The following FBXL14 variants were observed in gnomAD, a reference collection of about 807,000 sequenced individuals.
FBXL14 encodes F-box and leucine rich repeat protein 14.
In FBXL14, 11 loss-of-function variants were observed where a neutral mutation model predicts 24.5. That is an observed-to-expected ratio of 0.45 (90% CI 0.28 to 0.74). The LOEUF is 0.74. Among genes scored for constraint, FBXL14 ranks in the 30% least tolerant of loss-of-function variants. FBXL14 has a pLI of 0.12. For synonymous variants in FBXL14, 294 were observed against 240.4 expected (o/e 1.22, Z -2.06); for missense variants, 384 against 545.6 (o/e 0.70, Z 2.95).
Position 1,594,402 on chromosome 12 carries a change from C to A in FBXL14, c.-336G>T, listed in dbSNP as rs973373208. 6.9e-6 allele frequency among the ~76,000 whole-genome samples: 1 copy of A among 145,476 alleles called. No individual in the cohort carries two copies. The highest frequency in any genetic ancestry group is 2.5e-5 in the African/African-American group (1 of 40,620). On this transcript the variant is annotated 5_prime_UTR_variant, in exon 1 of 2. Transcript: ENST00000339235. Reference sequence around the variant, plus strand: ...CGCCGCCTCGGCTCTACCCACGCCGCGCCCGGGCCGCGCCGCTCCGCCCGC... The same window carrying A: ...CGCCGCCTCGGCTCTACCCACGCCGAGCCCGGGCCGCGCCGCTCCGCCCGC...
At chr12:1,590,200 A>G (rs2094486337) in intron 1 of FBXL14, among the ~76,000 whole-genome samples, 1 of 151,934 alleles carries the variant, frequency 6.6e-6, no homozygotes, top group Non-Finnish European at 1.5e-5. Context: ...AGAGATCCAC[A>G]CCTTCCCCAA....
rs767331191 is a variant in FBXL14, at chr12:1,566,700, G to A, written c.*48C>T. The A allele has an allele frequency of 6.4e-6, 5 of 780,102 alleles. No individual in the cohort carries two copies. The highest frequency in any genetic ancestry group is 1.2e-5 in the Non-Finnish European group (5 of 417,744). The allele number at this position is 780,102 out of a possible 1,614,324, so 48.3% of individuals were successfully genotyped here. ...AGTGCCGGAGGCGCAGAGCGGGCAA[G>A]TCTGGAAGTTAAAGATCCACGGGAA... On this transcript the variant is annotated 3_prime_UTR_variant, in exon 2 of 2. Transcript: ENST00000339235.
intron 1 of FBXL14, among the ~76,000 whole-genome samples, chr12:1,586,827 G>A (rs2094477590): frequency 6.6e-6 from 1 of 152,166 alleles, no homozygotes; most frequent in Admixed American, 6.5e-5. Context: ...TTTCTCTGCT[G>A]CGCCACGGCT....
At chr12:1,572,622 C>A (rs927109448) in intron 1 of FBXL14, among the ~76,000 whole-genome samples, 6 of 78,718 alleles carry the variant, frequency 7.6e-5, no homozygotes, top group Admixed American at 1.2e-4. Context: ...ACATACAGGT[C>A]GGGGAAGCGG....
intron 1 of FBXL14, among the ~76,000 whole-genome samples, chr12:1,576,298 C>T (rs1265971228): frequency 1.3e-5 from 2 of 152,196 alleles, no homozygotes; most frequent in African/African-American, 2.4e-5. Flanking sequence ...GGGTGGACAG[C>T]GTGGGGGCCG....
rs1201534801 is a variant in FBXL14, at chr12:1,592,981, G to A, written c.1086C>T (p.Asp362=). The A allele has an allele frequency of 6.2e-7, 1 of 1,613,008 alleles. No homozygotes were observed. The highest frequency in any genetic ancestry group is 1.3e-5 in the African/African-American group (1 of 74,938). The change falls in exon 1 of 2, where the codon GAC becomes GAT. Residue 362 remains aspartate (D), a synonymous_variant. Coordinates refer to ENST00000339235, the MANE Select transcript of FBXL14 (RefSeq NM_152441.3). ...TGGTGATTCGGGTGCAGCCGTACAG[G>A]TCTATGCCGGTGAGTTGGCTCAGGT... ...AEHLSQLTGI[D]LYGCTRITKR... is the part of the protein sequence containing the mutation.
chr12:1,580,744 T>G (rs964442426), intron 1 of FBXL14, among the ~76,000 whole-genome samples: 2 of 152,052 alleles, frequency 1.3e-5, no homozygotes, highest in African/African-American at 4.8e-5. Context: ...AGTAAAACCA[T>G]TATCAGGGGC....
rs563832422 is a variant in FBXL14, at chr12:1,566,460, G to A, written c.*288C>T. On this transcript the variant is annotated 3_prime_UTR_variant, in exon 2 of 2. Coordinates refer to ENST00000339235, the MANE Select transcript of FBXL14 (RefSeq NM_152441.3). ...TTCCTGTCGAAGAAGCTTGCAAATT[G>A]CAATTCCATCCTAGCAAGTAAAAAG... is the stretch of plus-strand genomic sequence containing the variant. The A allele has an allele frequency of 6.0e-6, 2 of 332,720 alleles. No homozygotes were observed. The highest frequency in any genetic ancestry group is 5.1e-5 in the East Asian group (1 of 19,642). The allele number at this position is 332,720 out of a possible 1,614,324, so 20.6% of individuals were successfully genotyped here.
intron 1 of FBXL14, among the ~76,000 whole-genome samples, chr12:1,582,225 AAG>A (rs1203368199): frequency 1.3e-5 from 2 of 150,244 alleles, no homozygotes; most frequent in Non-Finnish European, 3.0e-5. Flanking sequence ...AAGAAAGAAA[AAG>A]AGAAAGAAAG....
At chr12:1,592,776 C>T (rs1045613322) in intron 1 of FBXL14, 97 bp downstream of exon 1, 1 of 1,055,810 alleles carries the variant, frequency 9.5e-7, no homozygotes, top group African/African-American at 1.6e-5. Flanking sequence ...CTGCAATGAT[C>T]TGTGCGTAAG....
At chr12:1,584,707 A>AT (rs1413104723) in intron 1 of FBXL14, among the ~76,000 whole-genome samples, 3 of 152,246 alleles carry the variant, frequency 2.0e-5, no homozygotes, top group Non-Finnish European at 2.9e-5. Context: ...GCTTTTACAG[A>AT]TTCCTGAAAA....
Position 1,566,528 on chromosome 12 carries a change from A to C in FBXL14, c.*220T>G, listed in dbSNP as rs1282168327. 2 of 457,410 alleles carry C rather than the reference A, an allele frequency of 4.4e-6. No homozygotes were observed. Among genetic ancestry groups the C allele is most frequent in the Non-Finnish European group, 7.7e-6 (2 of 258,366 alleles). The allele number at this position is 457,410 out of a possible 1,614,324, so 28.3% of individuals were successfully genotyped here. Reference sequence around the variant, plus strand: ...GCAAGTCTCCTTGGATCCATAAAGGAAGCGAGGTCTCAGAGCAAACCACTG... The same window carrying C: ...GCAAGTCTCCTTGGATCCATAAAGGCAGCGAGGTCTCAGAGCAAACCACTG... On this transcript the variant is annotated 3_prime_UTR_variant, in exon 2 of 2. Transcript: ENST00000339235.
chr12:1,582,961 G>C (rs944779662), intron 1 of FBXL14, among the ~76,000 whole-genome samples: 1 of 152,096 alleles, frequency 6.6e-6, no homozygotes, highest in Non-Finnish European at 1.5e-5. Flanking sequence ...TGTAAGTTCT[G>C]CTACCTTGTC....
At position 1,593,714 on chromosome 12, in the gene FBXL14, G is replaced by A. The variant is rs2094495578; in HGVS notation, c.353C>T (p.Ser118Phe). 1.9e-6 allele frequency: 3 copies of A among 1,614,136 alleles called. No homozygotes were observed. The highest frequency in any genetic ancestry group is 1.7e-5 in the Admixed American group (1 of 60,026). ...GAGGCTCAGGTTGAGAGCGCGCAGG[G>A]AGCCGATCTCCTGCACAAACGCGTG... ...LGHAFVQEIG[S>F]LRALNLSLCK... Residue 118 changes from serine (S) to phenylalanine (F), a missense_variant, in exon 1 of 2, where the codon TCC (serine) becomes TTC (phenylalanine). Ser to Phe is a radical substitution (Grantham distance 155). Coordinates refer to ENST00000339235, the MANE Select transcript of FBXL14 (RefSeq NM_152441.3). This position sits in a 1 kb window ranked among gnomAD's most constrained non-coding sequence, Gnocchi z 7.4.
In FBXL14 at chr12:1,566,225, G is replaced by A. The variant is rs1029845422; in HGVS notation, c.*523C>T. 6.6e-6 allele frequency: 1 copy of A among 152,584 alleles called. No homozygotes were observed. Among genetic ancestry groups the A allele is most frequent in the African/African-American group, 2.4e-5 (1 of 41,446 alleles). 9.5% of individuals were successfully genotyped at this position (152,584 alleles called of 1,614,324 possible). On this transcript the variant is annotated 3_prime_UTR_variant, in exon 2 of 2. Coordinates refer to ENST00000339235, the MANE Select transcript of FBXL14 (RefSeq NM_152441.3). Reference sequence around the variant, plus strand: ...CTCTATCTCATGGGGAAACTGCTAGGCAGGTCATCCAGATGTATTTTCTTT... The same window carrying A: ...CTCTATCTCATGGGGAAACTGCTAGACAGGTCATCCAGATGTATTTTCTTT...
In FBXL14 at chr12:1,579,970, G is replaced by A. The variant is rs577219905; in HGVS notation, c.1194+12903C>T. Among the ~76,000 whole-genome samples, 6 of 152,350 alleles carry A rather than the reference G, an allele frequency of 3.9e-5. No individual in the cohort carries two copies. In the East Asian group the frequency reaches 7.7e-4, roughly 20 times the overall value. On this transcript the variant is annotated intron_variant, in intron 1 of 1. Transcript: ENST00000339235. This position sits in a 1 kb window ranked among gnomAD's most constrained non-coding sequence, Gnocchi z 4.3. ...GACATCAAAGAAGGTCCTTTGCAATGTACAGGGAAGACAAACCAGCTTCCA... is the reference window on the plus strand; with the variant it reads ...GACATCAAAGAAGGTCCTTTGCAATATACAGGGAAGACAAACCAGCTTCCA...
rs756480701 is a variant in FBXL14, at chr12:1,593,002, C to G, written c.1065G>C (p.Leu355=). Residue 355 remains leucine, a synonymous_variant, in exon 1 of 2, where the codon CTG becomes CTC. Transcript: ENST00000339235. This position sits in a 1 kb window ranked among gnomAD's most constrained non-coding sequence, Gnocchi z 7.4. ...DKGLELIAEH[L]SQLTGIDLYG... ...ACAGGTCTATGCCGGTGAGTTGGCT[C>G]AGGTGCTCAGCGATCAGCTCCAGGC... 2.5e-6 allele frequency: 4 copies of G among 1,612,684 alleles called. No homozygotes were observed. The highest frequency in any genetic ancestry group is 2.2e-5 in the South Asian group (2 of 91,086).
Position 1,594,009 on chromosome 12 carries a change from G to A in FBXL14, c.58C>T (p.Leu20=), listed in dbSNP as rs1378635551. ...PELLAMIFGY[L]DVRDKGRAAQ... is the part of the protein sequence containing the mutation. Reference sequence around the variant, plus strand: ...GCGCGCCCCTTGTCCCGGACGTCCAGGTAGCCGAAGATCATGGCCAGCAGC... The same window carrying A: ...GCGCGCCCCTTGTCCCGGACGTCCAAGTAGCCGAAGATCATGGCCAGCAGC... The change falls in exon 1 of 2, where the codon CTG becomes TTG. Residue 20 remains leucine, a synonymous_variant. Coordinates refer to ENST00000339235, the MANE Select transcript of FBXL14 (RefSeq NM_152441.3). 1 of 1,578,266 alleles carries A rather than the reference G, an allele frequency of 6.3e-7. No individual in the cohort carries two copies. The highest frequency in any genetic ancestry group is 8.5e-7 in the Non-Finnish European group (1 of 1,170,306).
chr12:1,582,682 A>T (rs1320248931), intron 1 of FBXL14, among the ~76,000 whole-genome samples: 1 of 152,022 alleles, frequency 6.6e-6, no homozygotes, highest in African/African-American at 2.4e-5. Flanking sequence ...TTTTTTATTT[A>T]TTCTCTAACC....
Sources: allele counts gnomAD v4.1 joint callset (sites outside exome capture counted in the v4.1 genomes callset), GRCh38; gene constraint gnomAD v4.1.1; non-coding constraint Gnocchi (gnomAD v3.1); transcripts MANE v1.5; gene names NCBI Gene and HGNC (gene_info 2026-07-23, HGNC 2026-07-21).